The following CCDC171 variants were observed in gnomAD, a reference collection of about 807,000 sequenced individuals.
CCDC171 encodes coiled-coil domain-containing protein 171.
In CCDC171, 177 loss-of-function variants were observed where a neutral mutation model predicts 168.2. That is an observed-to-expected ratio of 1.05 (90% confidence interval 0.93 to 1.19). CCDC171 has a LOEUF of 1.19. Ranked by LOEUF, CCDC171 falls within the 50% of genes most tolerant of loss-of-function variation. CCDC171 has a pLI of 0.00. For synonymous variants in CCDC171, 687 were observed against 540.8 expected (o/e 1.27, Z -3.75); for missense variants, 1,991 against 1,539.0 (o/e 1.29, Z -4.91).
the CCDC171 span, among the ~76,000 whole-genome samples, chr9:16,071,326 G>A: frequency 6.6e-6 from 1 of 152,114 alleles, no homozygotes; most frequent in Admixed American, 6.5e-5. Flanking sequence ...TGTCAGCTCA[G>A]CACACCTTGT....
chr9:15,754,907 T>C lies in CCDC171; in HGVS notation c.2671+9276T>C, dbSNP rs1282393006. On this transcript the variant is annotated intron_variant, in intron 18 of 25. Coordinates refer to ENST00000380701, the MANE Select transcript of CCDC171 (RefSeq NM_173550.4). ...AATAATAAATAGATTTTGTAAAAAATAAGGTCAAATGAAAATACATTGGTT... is the reference window on the plus strand; with the variant it reads ...AATAATAAATAGATTTTGTAAAAAACAAGGTCAAATGAAAATACATTGGTT... Among the ~76,000 whole-genome samples, 5 of 152,126 alleles carry C rather than the reference T, an allele frequency of 3.3e-5. No homozygotes were observed. The East Asian group carries it at 7.7e-4, about 23-fold the overall frequency.
At chr9:15,640,026 T>C (rs2046478708) in intron 7 of CCDC171, among the ~76,000 whole-genome samples, 1 of 152,176 alleles carries the variant, frequency 6.6e-6, no homozygotes, top group Non-Finnish European at 1.5e-5. Context: ...ATCTGGCATA[T>C]AGTAGGTACT....
chr9:15,555,229 A>G (rs2038691530), intron 1 of CCDC171, among the ~76,000 whole-genome samples: 1 of 152,200 alleles, frequency 6.6e-6, no homozygotes, highest in Non-Finnish European at 1.5e-5. Context: ...ATATCCCATC[A>G]TCTATTTTAG....
chr9:15,886,346 T>C (rs1819392727), intron 24 of CCDC171: 1 of 152,094 alleles, frequency 6.6e-6, no homozygotes, highest in Non-Finnish European at 1.5e-5. Flanking sequence ...CACATGCAAG[T>C]GGCCAATAAG....
At chr9:16,001,243 C>T (rs1832533928) in intron 3 of CCDC171, among the ~76,000 whole-genome samples, 2 of 152,114 alleles carry the variant, frequency 1.3e-5, no homozygotes, top group South Asian at 2.1e-4. Context: ...ATTTTTCATG[C>T]CCTTCTGAAA....
intron 1 of CCDC171, among the ~76,000 whole-genome samples, chr9:16,051,277 T>G (rs1381671453): frequency 6.6e-6 from 1 of 152,204 alleles, no homozygotes; most frequent in East Asian, 1.9e-4. Flanking sequence ...TTCATGTCAC[T>G]TAGTCCCTCT....
At position 15,758,997 on chromosome 9, in the gene CCDC171, G is replaced by A. The variant is rs1363796752; in HGVS notation, c.2671+13366G>A. ...AAACAGACTAATACAGTGGCCTCCA[G>A]CTGCATCCATGTCGCTGCAAAGGAT... is the stretch of plus-strand genomic sequence containing the variant. On this transcript the variant is annotated intron_variant, in intron 18 of 25. Coordinates refer to ENST00000380701, the MANE Select transcript of CCDC171 (RefSeq NM_173550.4). Among the ~76,000 whole-genome samples the A allele has an allele frequency of 2.0e-5, 3 of 152,132 alleles. No homozygotes were observed. The South Asian group carries it at 6.2e-4, about 31-fold the overall frequency.
intron 3 of CCDC171, among the ~76,000 whole-genome samples, chr9:16,006,611 G>A (rs1832703738): frequency 6.8e-6 from 1 of 147,996 alleles, no homozygotes; most frequent in African/African-American, 2.5e-5. Flanking sequence ...TCCCTGGTGT[G>A]TGATGTTCCC....
intron 25 of CCDC171, among the ~76,000 whole-genome samples, chr9:15,963,563 C>T (rs899617034): frequency 2.6e-5 from 4 of 152,118 alleles, no homozygotes; most frequent in Non-Finnish European, 2.9e-5. Context: ...TTGCCTGATT[C>T]CCTCTTTTCA....
chr9:15,627,170 T>A (rs552557671), intron 7 of CCDC171, among the ~76,000 whole-genome samples: 4 of 152,194 alleles, frequency 2.6e-5, no homozygotes, highest in Non-Finnish European at 2.9e-5. Flanking sequence ...ATATCCCCTT[T>A]ATCATTTTTT....
At chr9:15,801,205 T>C (rs1183184338) in intron 21 of CCDC171, among the ~76,000 whole-genome samples, 1 of 152,092 alleles carries the variant, frequency 6.6e-6, no homozygotes, top group Non-Finnish European at 1.5e-5. Context: ...CTTTCGGTAG[T>C]ATGGACATTT....
At chr9:15,892,282 T>C (rs917696234) in intron 24 of CCDC171, among the ~76,000 whole-genome samples, 1 of 152,116 alleles carries the variant, frequency 6.6e-6, no homozygotes. Context: ...CTTGTGCCAG[T>C]TGTCAAGGGG....
intron 3 of CCDC171, among the ~76,000 whole-genome samples, chr9:15,984,820 G>C (rs1170096679): frequency 6.6e-6 from 1 of 151,988 alleles, no homozygotes; most frequent in East Asian, 1.9e-4. Context: ...AGCAGAAATG[G>C]GTCAATTCTT....
At chr9:15,891,446 C>G (rs1304304109) in intron 24 of CCDC171, among the ~76,000 whole-genome samples, 1 of 152,062 alleles carries the variant, frequency 6.6e-6, no homozygotes, top group Non-Finnish European at 1.5e-5. Flanking sequence ...TGTCTTTGGT[C>G]CATTGTCAGA....
chr9:16,087,667 A>G, the CCDC171 span, among the ~76,000 whole-genome samples: 16 of 148,554 alleles, frequency 1.1e-4, no homozygotes, highest in African/African-American at 4.0e-4. Context: ...TCTGTTGAAT[A>G]CAGCACACTG....
chr9:15,944,637 G>C (rs1828089765), intron 25 of CCDC171, among the ~76,000 whole-genome samples: 1 of 151,938 alleles, frequency 6.6e-6, no homozygotes, highest in Non-Finnish European at 1.5e-5. Flanking sequence ...ATAGTAGCTA[G>C]GCATGCGGGT....
chr9:15,889,838 A>G (rs1819953591), intron 24 of CCDC171, among the ~76,000 whole-genome samples: 1 of 152,166 alleles, frequency 6.6e-6, no homozygotes, highest in South Asian at 2.1e-4. Context: ...TATTCAGACA[A>G]TTACTCTAGA....
chr9:15,636,154 GTATA>G (rs113221357), intron 7 of CCDC171, among the ~76,000 whole-genome samples: 56 of 150,294 alleles, frequency 3.7e-4, no homozygotes, highest in African/African-American at 1.2e-3. Flanking sequence ...TTTGTACTAT[GTATA>G]TATATATATA....
rs749535194 is a variant in CCDC171 at position 15,666,149 on chromosome 9, C to A, written c.916-14C>A. ...TTCTTAGCTTGATTTAATTACTTGT[C>A]TGTCGTCCGGTAGTTACGGATTCGA... On this transcript the variant is annotated splice_polypyrimidine_tract_variant and intron_variant, in intron 8 of 25. Transcript: ENST00000380701. The A allele has an allele frequency of 2.5e-6, 4 of 1,609,640 alleles. No individual in the cohort carries two copies. Among genetic ancestry groups the A allele is most frequent in the Admixed American group, 1.7e-5 (1 of 59,122 alleles).
Sources: gnomAD v4.1 joint callset for allele counts (sites outside exome capture counted in the v4.1 genomes callset) on GRCh38, gnomAD v4.1.1 for gene constraint, MANE v1.5 for transcripts, NCBI Gene and HGNC (gene_info 2026-07-23, HGNC 2026-07-21) for gene names.